KYNU: variants seen among roughly 807,000 people sequenced by gnomAD.
The protein encoded by KYNU is kynureninase.
A neutral mutation model predicts 59.2 loss-of-function variants in KYNU; 54 were observed. The ratio of observed to expected loss-of-function variants is 0.91; its 90% CI spans 0.73 to 1.14. KYNU has a LOEUF of 1.14. Among genes scored for constraint, KYNU ranks in the 50% most tolerant of loss-of-function variants. The probability of loss-of-function intolerance (pLI) is 0.00; values close to 1 mark genes in which losing one functional copy is unlikely to be tolerated. For missense variants in KYNU, 567 were observed against 554.4 expected (o/e 1.02, Z -0.23); for synonymous variants, 177 against 192.0 (o/e 0.92, Z 0.65).
At chr2:143,036,572 G>A (rs1312771639) in intron 12 of KYNU, among the ~76,000 whole-genome samples, 2 of 152,094 alleles carry the variant, frequency 1.3e-5, no homozygotes, top group East Asian at 3.8e-4. Context: ...CTAAATTGTG[G>A]GAGCTAAAAA....
chr2:142,993,393 C>T (rs530348259), intron 10 of KYNU, among the ~76,000 whole-genome samples: 5 of 151,864 alleles, frequency 3.3e-5, no homozygotes, highest in Admixed American at 1.3e-4. Flanking sequence ...GTGGTAAAAT[C>T]GTGATTGCTT....
At chr2:142,945,619 C>T (rs1222712757) in intron 4 of KYNU, among the ~76,000 whole-genome samples, 1 of 152,130 alleles carries the variant, frequency 6.6e-6, no homozygotes, top group African/African-American at 2.4e-5. Context: ...CATGAATGTT[C>T]TTAGTGGCAT....
intron 8 of KYNU, among the ~76,000 whole-genome samples, chr2:142,981,262 C>A (rs893007151): frequency 6.6e-6 from 1 of 151,984 alleles, no homozygotes; most frequent in Non-Finnish European, 1.5e-5. Context: ...GAAAGTGCTG[C>A]TTTTTCTATT....
chr2:143,026,305 C>T (rs1445535341), intron 10 of KYNU, among the ~76,000 whole-genome samples: 1 of 152,102 alleles, frequency 6.6e-6, no homozygotes, highest in Non-Finnish European at 1.5e-5. Context: ...TTTATCAGTT[C>T]TCCATTATAA....
intron 8 of KYNU, among the ~76,000 whole-genome samples, chr2:142,964,027 A>G (rs1331084959): frequency 6.6e-6 from 1 of 151,270 alleles, no homozygotes; most frequent in Non-Finnish European, 1.5e-5. Context: ...TTAGATGCTC[A>G]TCTTTTATAA....
At chr2:143,032,191 T>C (rs927182441) in intron 11 of KYNU, among the ~76,000 whole-genome samples, 5 of 151,658 alleles carry the variant, frequency 3.3e-5, no homozygotes, top group African/African-American at 1.2e-4. Flanking sequence ...GGCAGGAGAA[T>C]GGCGTGAACC....
intron 4 of KYNU, chr2:142,953,940 T>G (rs1450641092): frequency 6.6e-6 from 1 of 152,184 alleles, no homozygotes; most frequent in Non-Finnish European, 1.5e-5. Context: ...AAAATGGGAC[T>G]CTCTCAGAAA....
rs145784686 is a variant in KYNU, at chr2:143,019,758, A to G, written c.903-9869A>G. Reference sequence around the variant, plus strand: ...ATTAGTTCTTCTTTAAGTGTTTGGTAGAATTTATTAGTGAATCCATCACGT... The same window carrying G: ...ATTAGTTCTTCTTTAAGTGTTTGGTGGAATTTATTAGTGAATCCATCACGT... On this transcript the variant is annotated intron_variant, in intron 10 of 13. Coordinates refer to ENST00000264170, the MANE Select transcript of KYNU (RefSeq NM_003937.3). 1.6e-4 allele frequency among the ~76,000 whole-genome samples: 25 copies of G among 152,254 alleles called. No individual in the cohort carries two copies. The East Asian group carries it at 4.8e-3, about 29-fold the overall frequency.
At chr2:142,931,104 C>T (rs572644537) in intron 4 of KYNU, among the ~76,000 whole-genome samples, 1 of 152,210 alleles carries the variant, frequency 6.6e-6, no homozygotes, top group Admixed American at 6.5e-5. Context: ...AGCTGTCTTT[C>T]GGTCGGCTCT....
intron 4 of KYNU, among the ~76,000 whole-genome samples, chr2:142,937,450 A>C (rs1212937041): frequency 6.6e-6 from 1 of 152,020 alleles, no homozygotes; most frequent in South Asian, 2.1e-4. Context: ...AAATGGGATC[A>C]CCTTACAACA....
intron 1 of KYNU, among the ~76,000 whole-genome samples, chr2:142,882,804 C>T (rs1681349039): frequency 6.6e-6 from 1 of 152,170 alleles, no homozygotes; most frequent in Admixed American, 6.5e-5. Flanking sequence ...GTGCATGTGT[C>T]TTTATAGCAG....
At chr2:142,887,939 T>C (rs966320) in intron 2 of KYNU, among the ~76,000 whole-genome samples, 54,608 of 152,000 alleles carry the variant, frequency 0.36, 10,143 homozygotes, top group South Asian at 0.55. Context: ...TTATCAAAAA[T>C]AAAAACGTTT....
chr2:142,912,107 T>G (rs1325751335), intron 2 of KYNU, among the ~76,000 whole-genome samples: 1 of 152,112 alleles, frequency 6.6e-6, no homozygotes, highest in Admixed American at 6.6e-5. Flanking sequence ...TTTTTTGGGA[T>G]AGTTTCAGCA....
chr2:143,042,395 G>A lies in KYNU; in HGVS notation c.*223G>A, dbSNP rs1398643371. 42 of 464,346 alleles carry A rather than the reference G, an allele frequency of 9.0e-5. No individual in the cohort carries two copies. The highest frequency in any genetic ancestry group is 3.1e-5 in the Non-Finnish European group (8 of 256,408). 28.8% of individuals were successfully genotyped at this position (464,346 alleles called of 1,614,324 possible). ...TTTGTGTTTGGGGGACCAAAACTGTGTTGGTTCAAGTATTATCTATACAGT... is the reference window on the plus strand; with the variant it reads ...TTTGTGTTTGGGGGACCAAAACTGTATTGGTTCAAGTATTATCTATACAGT... On this transcript the variant is annotated 3_prime_UTR_variant, in exon 14 of 14. Transcript: ENST00000264170.
intron 10 of KYNU, among the ~76,000 whole-genome samples, chr2:143,003,881 G>T (rs534957657): frequency 2.7e-4 from 39 of 146,176 alleles, no homozygotes; most frequent in Admixed American, 5.5e-4. Context: ...TGGAGCTGAT[G>T]AATAAATATA....
chr2:142,982,566 T>C (rs912219782), intron 8 of KYNU, among the ~76,000 whole-genome samples: 2 of 152,008 alleles, frequency 1.3e-5, no homozygotes, highest in African/African-American at 4.8e-5. Flanking sequence ...TAAAACCTCA[T>C]GACAAGTAAA....
chr2:142,918,720 G>A lies in KYNU; in HGVS notation c.281G>A (p.Trp94Ter). The A allele has an allele frequency of 6.2e-7, 1 of 1,610,946 alleles. No individual in the cohort carries two copies. Among genetic ancestry groups the A allele is most frequent in the East Asian group, 2.2e-5 (1 of 44,742 alleles). Reference protein sequence around the residue: ...KTYLEEELDKWAKIAAYGHEV... With the variant: ...KTYLEEELDK ...TATCTTGAAGAAGAACTAGATAAGT[G>A]GGCCAAAATGTAAGTATTATTTTAA... is the stretch of plus-strand genomic sequence containing the variant. The change falls in exon 3 of 14, where the codon TGG (tryptophan) becomes TAG (stop). Residue 94 changes from tryptophan to a stop codon, truncating the protein, a stop_gained. Coordinates refer to ENST00000264170, the MANE Select transcript of KYNU (RefSeq NM_003937.3). LOFTEE classifies it high-confidence loss of function.
chr2:142,892,005 T>G (rs953877727), intron 2 of KYNU, among the ~76,000 whole-genome samples: 3 of 152,006 alleles, frequency 2.0e-5, no homozygotes, highest in Non-Finnish European at 4.4e-5. Flanking sequence ...CTCCACCCCC[T>G]GAACTCAAAG....
chr2:143,028,441 A>ACC lies in KYNU; in HGVS notation c.903-1185_903-1184dup, dbSNP rs201745031. Among the ~76,000 whole-genome samples the ACC allele has an allele frequency of 4.0e-5, 6 of 148,620 alleles. No individual in the cohort carries two copies. The East Asian group carries it at 1.2e-3, about 30-fold the overall frequency. The stretch of plus-strand genomic sequence containing the variant: ...GTATTTTTAGTAGAGACGGTGTTTC[A>ACC]CCATGTTGGTCAGGCTGGTCTCAAA... On this transcript the variant is annotated intron_variant, in intron 10 of 13. Coordinates refer to ENST00000264170, the MANE Select transcript of KYNU (RefSeq NM_003937.3).
Sources: allele counts gnomAD v4.1 joint callset (sites outside exome capture counted in the v4.1 genomes callset), GRCh38; gene constraint gnomAD v4.1.1; transcripts MANE v1.5; gene names NCBI Gene and HGNC (gene_info 2026-07-23, HGNC 2026-07-21).